VIPR2: variants seen among roughly 807,000 people sequenced by gnomAD.
VIPR2 encodes vasoactive intestinal peptide receptor 2, also known as vasoactive intestinal polypeptide receptor 2.
A neutral mutation model predicts 58.0 loss-of-function variants in VIPR2; 48 were observed. The ratio of observed to expected loss-of-function variants is 0.83; its 90% CI spans 0.66 to 1.05. The LOEUF (loss-of-function observed/expected upper bound fraction) is 1.05. Among genes scored for constraint, VIPR2 ranks in the 50% least tolerant of loss-of-function variants. The pLI, the probability that VIPR2 is intolerant of heterozygous loss-of-function variation, is 0.00. For missense variants in VIPR2, 534 were observed against 558.0 expected, an observed-to-expected ratio of 0.96 and a Z score of 0.43; for synonymous variants, 243 against 235.2, an observed-to-expected ratio of 1.03 and a Z score of -0.30.
intron 7 of VIPR2, among the ~76,000 whole-genome samples, chr7:159,036,551 T>C (rs1379586481): frequency 6.6e-6 from 1 of 152,114 alleles, no homozygotes; most frequent in African/African-American, 2.4e-5. Context: ...ATGGGAGTAT[T>C]TTAAACTAGG....
chr7:159,074,597 A>G (rs1032473557), intron 4 of VIPR2, among the ~76,000 whole-genome samples: 1 of 152,230 alleles, frequency 6.6e-6, no homozygotes, highest in African/African-American at 2.4e-5. Context: ...TCCATTTTTC[A>G]TAAGTCACCC....
chr7:159,129,081 G>A (rs114040918), intron 2 of VIPR2, among the ~76,000 whole-genome samples: 4,262 of 151,802 alleles, frequency 0.028, 155 homozygotes, highest in African/African-American at 0.084. Context: ...GTCACCACCC[G>A]CCTGGGGGGT....
chr7:159,060,661 C>T (rs1301504870), intron 4 of VIPR2, among the ~76,000 whole-genome samples: 3 of 151,788 alleles, frequency 2.0e-5, no homozygotes, highest in Non-Finnish European at 2.9e-5. Context: ...CTCATGGAAC[C>T]CATCTTCACC....
At chr7:159,123,306 AAAAAAAAAAG>A (rs1240184054) in intron 2 of VIPR2, among the ~76,000 whole-genome samples, 4 of 151,204 alleles carry the variant, frequency 2.6e-5, no homozygotes, top group Non-Finnish European at 5.9e-5. Context: ...AAAAAAAAAA[AAAAAAAAAAG>A]AAAGAAAAAA....
chr7:159,109,278 T>C (rs970245641), intron 3 of VIPR2, among the ~76,000 whole-genome samples: 2 of 152,190 alleles, frequency 1.3e-5, no homozygotes, highest in African/African-American at 4.8e-5. Context: ...ATGCCCTGGG[T>C]GCAGAGGAGG....
rs531603046 is a variant in VIPR2 at position 159,130,686 on chromosome 7, G to T, written c.151+11760C>A. ...GATGAGGTGATTTGAGTAACAACTC[G>T]GTCTCCCACATGGCGTGGCCGGCAT... On this transcript the variant is annotated intron_variant, in intron 2 of 12. Transcript: ENST00000262178. 3.3e-5 allele frequency among the ~76,000 whole-genome samples: 5 copies of T among 152,124 alleles called. No individual in the cohort carries two copies. In the South Asian group the frequency reaches 1.0e-3, roughly 32 times the overall value.
rs529273172 is a variant in VIPR2, at chr7:159,055,495, G to A, written c.455+2986C>T. Among the ~76,000 whole-genome samples, 6 of 152,110 alleles carry A rather than the reference G, an allele frequency of 3.9e-5. No homozygotes were observed. In the East Asian group the frequency reaches 1.2e-3, roughly 29 times the overall value. On this transcript the variant is annotated intron_variant, in intron 5 of 12. Coordinates refer to ENST00000262178, the MANE Select transcript of VIPR2 (RefSeq NM_003382.5). ...TTGTAAATATGCTCTGAATTTTCTC[G>A]GTGTCTTGGGAGCAATTCCAAAGCT... is the stretch of plus-strand genomic sequence containing the variant.
intron 6 of VIPR2, among the ~76,000 whole-genome samples, chr7:159,038,844 T>G (rs148208983): frequency 6.6e-6 from 1 of 152,314 alleles, no homozygotes; most frequent in African/African-American, 2.4e-5. Flanking sequence ...AAAAATACCA[T>G]AAAAATACAA....
At chr7:159,063,643 C>T (rs1052135978) in intron 4 of VIPR2, among the ~76,000 whole-genome samples, 2 of 150,418 alleles carry the variant, frequency 1.3e-5, no homozygotes, top group Admixed American at 6.6e-5. Flanking sequence ...GCAGAGGAGG[C>T]GCCAAGAGCG....
intron 4 of VIPR2, among the ~76,000 whole-genome samples, chr7:159,094,123 T>C (rs1197739877): frequency 6.6e-6 from 1 of 152,096 alleles, no homozygotes; most frequent in Non-Finnish European, 1.5e-5. Flanking sequence ...GCAGCCCTGG[T>C]CTCATTCTCC....
intron 6 of VIPR2, among the ~76,000 whole-genome samples, chr7:159,037,653 G>A (rs1052399489): frequency 2.6e-5 from 4 of 152,074 alleles, no homozygotes; most frequent in African/African-American, 9.7e-5. Context: ...TATTTTCTGA[G>A]GACATTTTAA....
chr7:159,105,414 C>T (rs73527852), intron 3 of VIPR2, among the ~76,000 whole-genome samples: 343 of 152,350 alleles, frequency 2.3e-3, no homozygotes, highest in African/African-American at 7.6e-3. Context: ...GCAAGACAGA[C>T]TTGGTGGGCG....
rs947128433 is a variant in VIPR2, at chr7:159,097,915, C to T, written c.357+5842G>A. ...CTTCTGGCCTCTCGTGTAAGGATTC[C>T]AGGCTCTGACTCCAACTGGCACCAG... On this transcript the variant is annotated intron_variant, in intron 4 of 12. Coordinates refer to ENST00000262178, the MANE Select transcript of VIPR2 (RefSeq NM_003382.5). The surrounding 1 kb of genome is among the most constrained non-coding windows in gnomAD (Gnocchi z 5.3). 1.3e-5 allele frequency among the ~76,000 whole-genome samples: 2 copies of T among 152,166 alleles called. No individual in the cohort carries two copies. The highest frequency in any genetic ancestry group is 6.5e-5 in the Admixed American group (1 of 15,282).
At chr7:159,085,941 G>A (rs1857146552) in intron 4 of VIPR2, among the ~76,000 whole-genome samples, 1 of 152,136 alleles carries the variant, frequency 6.6e-6, no homozygotes, top group South Asian at 2.1e-4. Flanking sequence ...TTGTCATTAG[G>A]CATTTGTCCA....
At chr7:159,112,229 T>C (rs1375444383) in intron 2 of VIPR2, among the ~76,000 whole-genome samples, 1 of 152,246 alleles carries the variant, frequency 6.6e-6, no homozygotes, top group Admixed American at 6.5e-5. Flanking sequence ...AGGGAAAGTC[T>C]TCTCTTCATT....
At chr7:159,055,128 C>T (rs1855232779) in intron 5 of VIPR2, among the ~76,000 whole-genome samples, 1 of 152,158 alleles carries the variant, frequency 6.6e-6, no homozygotes, top group South Asian at 2.1e-4. Context: ...GAATACTATA[C>T]AGCAAGAAAA....
In VIPR2 at chr7:159,093,154, A is replaced by C. The variant is rs1226366285; in HGVS notation, c.357+10603T>G. ...GCGGGGGCTGGTGGGGGCAGAAGAC[A>C]TTTCCTCAAGACACTGGCAGTTACT... On this transcript the variant is annotated intron_variant, in intron 4 of 12. Coordinates refer to ENST00000262178, the MANE Select transcript of VIPR2 (RefSeq NM_003382.5). The surrounding 1 kb of genome is among the most constrained non-coding windows in gnomAD (Gnocchi z 6.7). 6.6e-6 allele frequency among the ~76,000 whole-genome samples: 1 copy of C among 152,134 alleles called. No homozygotes were observed. Among genetic ancestry groups the C allele is most frequent in the Admixed American group, 6.5e-5 (1 of 15,270 alleles).
At position 159,031,769 on chromosome 7, in the gene VIPR2, C is replaced by T. The variant is rs1158337912; in HGVS notation, c.1143+59G>A. ...GTGGGGGCTGCGGCACCAGGCTGGG[C>T]AGCATCTCAGGAAGCAAGTGAGTAC... On this transcript the variant is annotated intron_variant, in intron 12 of 12. Coordinates refer to ENST00000262178, the MANE Select transcript of VIPR2 (RefSeq NM_003382.5). The surrounding 1 kb of genome is among the most constrained non-coding windows in gnomAD (Gnocchi z 4.0). The T allele has an allele frequency of 1.2e-6, 2 of 1,612,396 alleles. No homozygotes were observed. The highest frequency in any genetic ancestry group is 1.7e-6 in the Non-Finnish European group (2 of 1,179,844).
At chr7:159,054,372 A>G (rs1431355578) in intron 5 of VIPR2, among the ~76,000 whole-genome samples, 1 of 152,246 alleles carries the variant, frequency 6.6e-6, no homozygotes, top group Non-Finnish European at 1.5e-5. Flanking sequence ...GCTTCTGTTT[A>G]TCCAAAGACC....
Sources: allele counts gnomAD v4.1 joint callset (sites outside exome capture counted in the v4.1 genomes callset), GRCh38; gene constraint gnomAD v4.1.1; non-coding constraint Gnocchi (gnomAD v3.1); transcripts MANE v1.5; gene names NCBI Gene and HGNC (gene_info 2026-07-23, HGNC 2026-07-21).